SLC2A10: variants seen among roughly 807,000 people sequenced by gnomAD.
The protein encoded by SLC2A10 is solute carrier family 2 member 10, also known as solute carrier family 2, facilitated glucose transporter member 10.
SLC2A10 carries 25 observed loss-of-function variants against 32.1 expected under a neutral mutation model. That is an observed-to-expected ratio of 0.78 (90% CI 0.57 to 1.09). The LOEUF is 1.09. Ranked by LOEUF, SLC2A10 falls within the 50% of genes least tolerant of loss-of-function variation. The probability of loss-of-function intolerance (pLI) is 0.00; values close to 1 mark genes in which losing one functional copy is unlikely to be tolerated. For synonymous variants in SLC2A10, 332 were observed against 309.6 expected, an observed-to-expected ratio of 1.07 and a Z score of -0.76; for missense variants, 673 against 686.5, an observed-to-expected ratio of 0.98 and a Z score of 0.22.
chr20:46,719,863 G>A (rs1354835921), intron 1 of SLC2A10, among the ~76,000 whole-genome samples: 1 of 152,232 alleles, frequency 6.6e-6, no homozygotes, highest in Non-Finnish European at 1.5e-5. Context: ...CAGTGAGAAA[G>A]GATTTATTAG....
At chr20:46,713,791 G>A (rs187441417) in intron 1 of SLC2A10, among the ~76,000 whole-genome samples, 2 of 152,286 alleles carry the variant, frequency 1.3e-5, no homozygotes, top group East Asian at 3.9e-4. Context: ...AAACTTCACT[G>A]GGTTCCTCTT....
rs1160797836 is a variant in SLC2A10 at position 46,726,246 on chromosome 20, G to C, written c.1210G>C (p.Gly404Arg). ...ALPGPPLPAR[G>R]HALLRWTALL... ...CCCTGGGCCCCCTCTGCCCGCTCGG[G>C]GGCATGCACTGCTGCGCTGGACCGC... Residue 404 changes from glycine (G) to arginine (R), a missense_variant, in exon 2 of 5, where the codon GGG becomes CGG. Gly to Arg is a moderately radical substitution (Grantham distance 125, BLOSUM62 -2). Coordinates refer to ENST00000359271, the MANE Select transcript of SLC2A10 (RefSeq NM_030777.4). 1.2e-6 allele frequency: 2 copies of C among 1,613,702 alleles called. No individual in the cohort carries two copies. Among genetic ancestry groups the C allele is most frequent in the Non-Finnish European group, 1.7e-6 (2 of 1,180,038 alleles).
chr20:46,728,845 G>A (rs1433092261), intron 3 of SLC2A10, among the ~76,000 whole-genome samples: 3 of 151,818 alleles, frequency 2.0e-5, no homozygotes, highest in Non-Finnish European at 4.4e-5. Flanking sequence ...GGCTGGTCTT[G>A]AACTCCTGAG....
At chr20:46,722,165 T>C (rs1012713085) in intron 1 of SLC2A10, among the ~76,000 whole-genome samples, 2 of 152,240 alleles carry the variant, frequency 1.3e-5, no homozygotes. Flanking sequence ...GTTCTTGACC[T>C]TCCTGTTTTC....
chr20:46,730,467 G>A (rs925764681), intron 4 of SLC2A10, among the ~76,000 whole-genome samples: 2 of 152,190 alleles, frequency 1.3e-5, no homozygotes, highest in Non-Finnish European at 2.9e-5. Context: ...GGTGAGGGAG[G>A]GAAGTCGTCT....
chr20:46,734,733 G>T lies in SLC2A10; in HGVS notation c.*899G>T, dbSNP rs1980486783. On this transcript the variant is annotated 3_prime_UTR_variant, in exon 5 of 5. Transcript: ENST00000359271. ...AGTTTCCCCATTTGTATAATGGGAAGCCTGTACCAGGTCATTCTTAAGATT... is the reference window on the plus strand; with the variant it reads ...AGTTTCCCCATTTGTATAATGGGAATCCTGTACCAGGTCATTCTTAAGATT... 6.6e-6 allele frequency: 1 copy of T among 152,492 alleles called. No individual in the cohort carries two copies. Among genetic ancestry groups the T allele is most frequent in the Admixed American group, 6.5e-5 (1 of 15,282 alleles). 9.4% of individuals were successfully genotyped at this position (152,492 alleles called of 1,614,324 possible). A position where few individuals can be genotyped will look rare whatever the true frequency, so the allele number is the denominator to read the frequency against.
chr20:46,733,795 C>T lies in SLC2A10; in HGVS notation c.1587C>T (p.Gly529=). 6.2e-7 allele frequency: 1 copy of T among 1,614,208 alleles called. No individual in the cohort carries two copies. The highest frequency in any genetic ancestry group is 2.2e-5 in the East Asian group (1 of 44,876). Residue 529 remains glycine, a synonymous_variant, in exon 5 of 5, where the codon GGC becomes GGT. Transcript: ENST00000359271. ...LSFGHRQNST[G]IPYSRIEISA... ...TTGGCCACAGGCAGAACTCCACTGG[C>T]ATCCCGTACAGCCGCATCGAGATCT...
Position 46,725,277 on chromosome 20 carries a change from A to C in SLC2A10, c.241A>C (p.Ser81Arg). 1 of 1,613,996 alleles carries C rather than the reference A, an allele frequency of 6.2e-7. No homozygotes were observed. ...CYGRKQAILG[S>R]NLVLLAGSLT... ...TGGCAGGAAGCAAGCCATCCTCGGGAGCAACTTGGTGCTGCTGGCAGGCAG... is the reference window on the plus strand; with the variant it reads ...TGGCAGGAAGCAAGCCATCCTCGGGCGCAACTTGGTGCTGCTGGCAGGCAG... The change falls in exon 2 of 5, where the codon AGC (serine) becomes CGC (arginine). Residue 81 changes from serine to arginine, a missense_variant. Transcript: ENST00000359271.
In SLC2A10 at chr20:46,726,858, C is replaced by T. The variant is rs199967429; in HGVS notation, c.1289-6C>T. ...GCCCAGGAGCCCTCCTGCTCTCCCA[C>T]CCTAGTGACCTGGCTTGTCCTCAGC... On this transcript the variant is annotated splice_region_variant and splice_polypyrimidine_tract_variant and intron_variant, in intron 2 of 4. Transcript: ENST00000359271. The T allele has an allele frequency of 2.3e-4, 371 of 1,613,766 alleles. No homozygotes were observed. Among genetic ancestry groups the T allele is most frequent in the Admixed American group, 3.7e-4 (22 of 60,000 alleles).
chr20:46,720,215 CA>C (rs1216863991), intron 1 of SLC2A10, among the ~76,000 whole-genome samples: 11 of 152,252 alleles, frequency 7.2e-5, no homozygotes, highest in Admixed American at 3.9e-4. Flanking sequence ...CACAGATACA[CA>C]AGAAAGAAGC....
Position 46,725,562 on chromosome 20 carries a change from G to A in SLC2A10, c.526G>A (p.Val176Ile), listed in dbSNP as rs769177320. Residue 176 changes from valine to isoleucine, a missense_variant, in exon 2 of 5, where the codon GTC becomes ATC. Coordinates refer to ENST00000359271, the MANE Select transcript of SLC2A10 (RefSeq NM_030777.4). ...GTTCGGCTGGGCCACTGCACCTGCT[G>A]TCCTGCAATCCCTCAGCCTCCTCTT... The part of the protein sequence containing the change: ...HMFGWATAPA[V>I]LQSLSLLFLP... 1.9e-6 allele frequency: 3 copies of A among 1,614,190 alleles called. No homozygotes were observed. The highest frequency in any genetic ancestry group is 2.5e-6 in the Non-Finnish European group (3 of 1,180,030).
At chr20:46,710,328 G>A (rs1978837551) in intron 1 of SLC2A10, 1 of 326,048 alleles carries the variant, frequency 3.1e-6, no homozygotes, top group South Asian at 1.6e-4. Context: ...CAGAAGCCTC[G>A]AAGGATCAGT....
chr20:46,708,702 C>T (rs1978726898), upstream of SLC2A10, among the ~76,000 whole-genome samples: 1 of 152,198 alleles, frequency 6.6e-6, no homozygotes, highest in Non-Finnish European at 1.5e-5. Context: ...TAGAACTCCC[C>T]AGTTATCTGT....
intron 1 of SLC2A10, 49 bp downstream of exon 1, chr20:46,709,789 G>A (rs534384369): frequency 1.3e-6 from 2 of 1,545,668 alleles, no homozygotes; most frequent in South Asian, 2.4e-5. Flanking sequence ...CCCTTCCCAG[G>A]GTGTAGACAC....
intron 1 of SLC2A10, among the ~76,000 whole-genome samples, chr20:46,715,845 T>C (rs1979207687): frequency 6.6e-6 from 1 of 152,132 alleles, no homozygotes; most frequent in South Asian, 2.1e-4. Context: ...TGTTTTTTTA[T>C]TTTAGAGTCA....
intron 1 of SLC2A10, chr20:46,710,160 G>A: frequency 2.3e-6 from 1 of 427,464 alleles, no homozygotes; most frequent in Non-Finnish European, 4.1e-6. Flanking sequence ...ACGCTGTCGC[G>A]AACGAAACTG....
chr20:46,724,663 A>ATGGATGGATGGTTGGAG, intron 1 of SLC2A10, among the ~76,000 whole-genome samples: 1 of 150,080 alleles, frequency 6.7e-6, no homozygotes, highest in Non-Finnish European at 1.5e-5. Context: ...GGATGGATGG[A>ATGGATGGATGGTTGGAG]TGGATGGATG....
intron 4 of SLC2A10, among the ~76,000 whole-genome samples, chr20:46,730,909 T>TA (rs905330959): frequency 1.3e-5 from 2 of 152,154 alleles, no homozygotes; most frequent in African/African-American, 4.8e-5. Context: ...TAAAACGTTT[T>TA]AAAAAATCAT....
chr20:46,722,337 G>A (rs1979602494), intron 1 of SLC2A10, among the ~76,000 whole-genome samples: 1 of 152,126 alleles, frequency 6.6e-6, no homozygotes, highest in Non-Finnish European at 1.5e-5. Flanking sequence ...AAATTTCACA[G>A]GGACATAAAA....
Sources: gnomAD v4.1 joint callset for allele counts (sites outside exome capture counted in the v4.1 genomes callset) on GRCh38, gnomAD v4.1.1 for gene constraint, MANE v1.5 for transcripts, NCBI Gene and HGNC (gene_info 2026-07-23, HGNC 2026-07-21) for gene names.